PHF19: variants seen among roughly 807,000 people sequenced by gnomAD.
PHF19 encodes the protein polycomb like 3.
Under a neutral mutation model 79.8 loss-of-function variants are expected in PHF19, and 21 were observed. The ratio of observed to expected loss-of-function variants is 0.26; its 90% confidence interval spans 0.19 to 0.38. PHF19 has a LOEUF of 0.38. PHF19 is among the 10% of genes least tolerant of loss of function. The pLI, the probability that PHF19 is intolerant of heterozygous loss-of-function variation, is 1.00. For synonymous variants in PHF19, 273 were observed against 296.3 expected (o/e 0.92, Z 0.81); for missense variants, 445 against 744.2 (o/e 0.60, Z 4.68).
the PHF19 span, chr9:120,902,518 G>A: frequency 1.4e-5 from 2 of 145,178 alleles, no homozygotes; most frequent in East Asian, 2.1e-4. Context: ...GGGTGGGGGG[G>A]GGGGCGGTGG....
chr9:120,859,232 T>C (rs1441436304), intron 14 of PHF19, among the ~76,000 whole-genome samples: 1 of 38,964 alleles, frequency 2.6e-5, no homozygotes, highest in African/African-American at 4.7e-5. Flanking sequence ...ACCATTGTCC[T>C]TTTTTTTTTT....
intron 1 of PHF19, chr9:120,876,148 T>C (rs2046042614): frequency 6.5e-6 from 1 of 152,712 alleles, no homozygotes; most frequent in Admixed American, 6.5e-5. Context: ...AGCCAGGCAC[T>C]GCAGGGGTCT....
In PHF19 at chr9:120,861,116, G is replaced by C; in HGVS notation, c.1277C>G (p.Thr426Arg). Reference sequence around the variant, plus strand: ...TTTTAAACTTTGAATTTCATCCAGCGTGAAGTCAAATATGCTAGCCAGGTG... The same window carrying C: ...TTTTAAACTTTGAATTTCATCCAGCCTGAAGTCAAATATGCTAGCCAGGTG... ...NHHLASIFDF[T>R]LDEIQSLKSA... The change falls in exon 13 of 15, where the codon ACG (threonine) becomes AGG (arginine). Residue 426 changes from threonine (T) to arginine (R), a missense_variant. Physicochemically the swap from Thr to Arg is moderately conservative, Grantham distance 71 (BLOSUM62 -1). Around this residue, in one of 5 missense-constraint regions of PHF19, gnomAD observed 125 missense variants for 180.5 expected, o/e 0.69. Coordinates refer to ENST00000373896, the MANE Select transcript of PHF19 (RefSeq NM_015651.3). The C allele has an allele frequency of 6.2e-7, 1 of 1,608,278 alleles. No homozygotes were observed. The highest frequency in any genetic ancestry group is 8.5e-7 in the Non-Finnish European group (1 of 1,174,674).
intron 9 of PHF19, 109 bp downstream of exon 9, chr9:120,865,601 G>T: frequency 7.4e-7 from 1 of 1,347,548 alleles, no homozygotes; most frequent in South Asian, 1.3e-5. Flanking sequence ...ACTCAGGGAT[G>T]CAGCAACTCA....
At chr9:120,883,657 G>T (rs1588133311) in intron 1 of PHF19, among the ~76,000 whole-genome samples, 1 of 152,016 alleles carries the variant, frequency 6.6e-6, no homozygotes, top group East Asian at 1.9e-4. Flanking sequence ...CTACTTGGGA[G>T]CCTGAGGTGG....
At chr9:120,887,385 C>T (rs1396074896) in intron 1 of PHF19, among the ~76,000 whole-genome samples, 2 of 151,808 alleles carry the variant, frequency 1.3e-5, no homozygotes, top group Non-Finnish European at 2.9e-5. Flanking sequence ...ACCTGGGAGG[C>T]GGAGGTTGCA....
At chr9:120,903,045 G>C in the PHF19 span, 1 of 152,186 alleles carries the variant, frequency 6.6e-6, no homozygotes, top group South Asian at 2.1e-4. Context: ...CTCAACACTC[G>C]GTGAGTAGGG....
At chr9:120,884,611 C>A (rs1409586201) in intron 1 of PHF19, among the ~76,000 whole-genome samples, 1 of 152,094 alleles carries the variant, frequency 6.6e-6, no homozygotes, top group African/African-American at 2.4e-5. Context: ...ATGGTGTATT[C>A]AAAAGCTAAT....
chr9:120,876,668 G>C (rs1383303191), intron 1 of PHF19, among the ~76,000 whole-genome samples: 2 of 152,194 alleles, frequency 1.3e-5, no homozygotes, highest in Non-Finnish European at 2.9e-5. Context: ...TTTTAAAAAG[G>C]ATGTTCAGGA....
chr9:120,900,195 C>T, the PHF19 span, among the ~76,000 whole-genome samples: 2 of 152,096 alleles, frequency 1.3e-5, no homozygotes, highest in Non-Finnish European at 2.9e-5. Context: ...CCATGTTGGC[C>T]AGGCTGGTCT....
chr9:120,894,601 C>T (rs927701059), intron 1 of PHF19, among the ~76,000 whole-genome samples: 4 of 152,008 alleles, frequency 2.6e-5, no homozygotes, highest in Non-Finnish European at 1.5e-5. Context: ...GCGCAGGCCC[C>T]GGCTGCCAAG....
chr9:120,878,891 C>T (rs2046135208), upstream of PHF19, among the ~76,000 whole-genome samples: 3 of 152,154 alleles, frequency 2.0e-5, no homozygotes, highest in African/African-American at 4.8e-5. Flanking sequence ...GTGTCCAACG[C>T]GGGTAGGGCT....
chr9:120,880,437 T>A (rs1326352328), upstream of PHF19, among the ~76,000 whole-genome samples: 1 of 152,044 alleles, frequency 6.6e-6, no homozygotes, highest in African/African-American at 2.4e-5. Flanking sequence ...GGAGGTTGCA[T>A]TGAGCGAAAT....
upstream of PHF19, chr9:120,877,414 G>A (rs2131575337): frequency 1.1e-6 from 1 of 952,086 alleles, no homozygotes; most frequent in South Asian, 4.8e-5. Flanking sequence ...CGGCCGCCGG[G>A]CTCCGCAGCG....
Position 120,860,238 on chromosome 9 carries a change from G to T in PHF19, c.1305-53C>A. 1 of 962,458 alleles carries T rather than the reference G, an allele frequency of 1.0e-6. No homozygotes were observed. 59.6% of individuals were successfully genotyped at this position (962,458 alleles called of 1,614,324 possible). A position where few individuals can be genotyped will look rare whatever the true frequency, so the allele number is the denominator to read the frequency against. On this transcript the variant is annotated intron_variant, in intron 13 of 14. Transcript: ENST00000373896. This position sits in a 1 kb window ranked among gnomAD's most constrained non-coding sequence, Gnocchi z 4.1. Reference sequence around the variant, plus strand: ...TGGTGGCCCGGCCCAGCAAGTTCCTGCCAACCTGGCCCGCAGGTTCCCCTA... The same window carrying T: ...TGGTGGCCCGGCCCAGCAAGTTCCTTCCAACCTGGCCCGCAGGTTCCCCTA...
At chr9:120,883,726 C>G (rs556286996) in intron 1 of PHF19, among the ~76,000 whole-genome samples, 1 of 146,406 alleles carries the variant, frequency 6.8e-6, no homozygotes, top group South Asian at 2.2e-4. Context: ...ACCGTGCACT[C>G]CAGCAGCCTG....
upstream of PHF19, among the ~76,000 whole-genome samples, chr9:120,897,597 G>A (rs2046412624): frequency 6.6e-6 from 1 of 152,216 alleles, no homozygotes; most frequent in East Asian, 1.9e-4. Flanking sequence ...AAAACAAGAA[G>A]CAGATGAAAT....
At chr9:120,865,917 C>T (rs1328527262) in intron 8 of PHF19, 87 bp from the exon 9 acceptor site, 5 of 1,600,894 alleles carry the variant, frequency 3.1e-6, no homozygotes, top group Non-Finnish European at 4.3e-6. Context: ...GGCTGAGAGA[C>T]AGGGGCAGGG....
upstream of PHF19, among the ~76,000 whole-genome samples, chr9:120,897,366 C>A (rs1483908893): frequency 6.6e-6 from 1 of 152,202 alleles, no homozygotes; most frequent in East Asian, 1.9e-4. Context: ...CACCAGGACT[C>A]TCCACCTGCA....
Sources: allele counts gnomAD v4.1 joint callset (sites outside exome capture counted in the v4.1 genomes callset), GRCh38; gene constraint gnomAD v4.1.1; regional missense constraint gnomAD v4.1.1; non-coding constraint Gnocchi (gnomAD v3.1); transcripts MANE v1.5; gene names NCBI Gene and HGNC (gene_info 2026-07-23, HGNC 2026-07-21).